Variants in DNAJC16 observed in about 807,000 individuals in gnomAD.
DNAJC16 encodes dnaJ homolog subfamily C member 16.
In DNAJC16, 76 loss-of-function variants were observed where a neutral mutation model predicts 92.7. That is an observed-to-expected ratio of 0.82 (90% CI 0.68 to 0.99). The LOEUF is 0.99. DNAJC16 is among the 50% of genes least tolerant of loss of function. The pLI, the probability that DNAJC16 is intolerant of heterozygous loss-of-function variation, is 0.00. For synonymous variants in DNAJC16, 328 were observed against 358.7 expected (o/e 0.91, Z 0.97); for missense variants, 869 against 942.4 (o/e 0.92, Z 1.02).
rs769992954 is a variant in DNAJC16 at position 15,567,904 on chromosome 1, T to C, written c.2076T>C (p.Arg692=). ...PNQYDKHFME[R]DYTGYVLALN... ...AATATGATAAGCATTTCATGGAGCGTGACTACACTGGTTATGTACTGGCTC... is the reference window on the plus strand; with the variant it reads ...AATATGATAAGCATTTCATGGAGCGCGACTACACTGGTTATGTACTGGCTC... Residue 692 remains arginine (R), a synonymous_variant, in exon 15 of 15, where the codon CGT becomes CGC. Transcript: ENST00000375847. 1 of 1,614,110 alleles carries C rather than the reference T, an allele frequency of 6.2e-7. No individual in the cohort carries two copies. The highest frequency in any genetic ancestry group is 8.5e-7 in the Non-Finnish European group (1 of 1,180,054).
intron 4 of DNAJC16, among the ~76,000 whole-genome samples, chr1:15,539,016 A>T (rs538098675): frequency 1.3e-5 from 2 of 152,044 alleles, no homozygotes; most frequent in South Asian, 4.1e-4. Flanking sequence ...CTGAGGGGGG[A>T]AAAAACTTCC....
chr1:15,550,538 T>C (rs1638420921), intron 7 of DNAJC16, among the ~76,000 whole-genome samples: 1 of 152,190 alleles, frequency 6.6e-6, no homozygotes, highest in Non-Finnish European at 1.5e-5. Flanking sequence ...CTTCCGTTGG[T>C]GGACATTGGG....
Position 15,546,826 on chromosome 1 carries a change from T to A in DNAJC16, c.819T>A (p.His273Gln), listed in dbSNP as rs1425810070. 4.3e-6 allele frequency: 7 copies of A among 1,613,870 alleles called. No individual in the cohort carries two copies. Among genetic ancestry groups the A allele is most frequent in the Non-Finnish European group, 5.1e-6 (6 of 1,179,992 alleles). Residue 273 changes from histidine to glutamine, a missense_variant, in exon 6 of 15, where the codon CAT (histidine) becomes CAA (glutamine). Physicochemically the swap from His to Gln is conservative, Grantham distance 24. Transcript: ENST00000375847. ...GCTGGCAGCAAGAGAATAAGCCTCATGTCCTTCTGTTTGACCAAACGCCCA... is the reference window on the plus strand; with the variant it reads ...GCTGGCAGCAAGAGAATAAGCCTCAAGTCCTTCTGTTTGACCAAACGCCCA... Reference protein sequence around the residue: ...LSGWQQENKPHVLLFDQTPIV... With the variant: ...LSGWQQENKPQVLLFDQTPIV...
In DNAJC16 at chr1:15,544,458, G is replaced by A. The variant is rs748179744; in HGVS notation, c.634G>A (p.Ala212Thr). ...YERRLAHHLG[A>T]HSTPSILGII... ...GAGACGCCTGGCCCATCACCTAGGG[G>A]CACACAGCACGCCCTCTATCCTAGG... Residue 212 changes from alanine to threonine, a missense_variant, in exon 5 of 15, where the codon GCA becomes ACA. By Grantham distance (58) the Ala-to-Thr change is moderately conservative. Transcript: ENST00000375847. The A allele has an allele frequency of 6.2e-7, 1 of 1,614,086 alleles. No homozygotes were observed. Among genetic ancestry groups the A allele is most frequent in the Admixed American group, 1.7e-5 (1 of 59,996 alleles).
chr1:15,553,033 G>T (rs1638484058), intron 7 of DNAJC16, among the ~76,000 whole-genome samples: 3 of 151,822 alleles, frequency 2.0e-5, no homozygotes, highest in African/African-American at 7.3e-5. Flanking sequence ...GCCTCCCAAA[G>T]TGCTGGGATT....
intron 7 of DNAJC16, among the ~76,000 whole-genome samples, chr1:15,551,139 G>C (rs533259084): frequency 6.6e-6 from 1 of 152,286 alleles, no homozygotes; most frequent in Admixed American, 6.5e-5. Context: ...CAAAGTGGTG[G>C]GATTACAGGC....
At chr1:15,537,733 A>T (rs1179823994) in intron 4 of DNAJC16, among the ~76,000 whole-genome samples, 1 of 152,128 alleles carries the variant, frequency 6.6e-6, no homozygotes, top group East Asian at 1.9e-4. Context: ...AATGAAGGAG[A>T]GACTATTATT....
At chr1:15,562,802 G>A (rs1207394095) in intron 9 of DNAJC16, among the ~76,000 whole-genome samples, 1 of 151,772 alleles carries the variant, frequency 6.6e-6, no homozygotes, top group Non-Finnish European at 1.5e-5. Flanking sequence ...TCTTAAAACA[G>A]TTTTTGACCT....
chr1:15,537,154 A>G (rs745501543), intron 4 of DNAJC16, among the ~76,000 whole-genome samples: 2 of 152,104 alleles, frequency 1.3e-5, no homozygotes, highest in Non-Finnish European at 2.9e-5. Context: ...CCTGGCCCCA[A>G]AGCAGGTTTT....
chr1:15,556,168 A>G (rs893416678), intron 7 of DNAJC16, among the ~76,000 whole-genome samples: 2 of 149,660 alleles, frequency 1.3e-5, no homozygotes, highest in Non-Finnish European at 3.0e-5. Context: ...GAATGAAGAC[A>G]GTATCTTTTT....
intron 4 of DNAJC16, among the ~76,000 whole-genome samples, chr1:15,541,699 G>A (rs1277515353): frequency 6.6e-6 from 1 of 152,132 alleles, no homozygotes; most frequent in Non-Finnish European, 1.5e-5. Flanking sequence ...AAAGATGTAT[G>A]CACAAAGATG....
In DNAJC16 at chr1:15,562,216, T is replaced by C. The variant is rs764784517; in HGVS notation, c.1229T>C (p.Leu410Pro). The C allele has an allele frequency of 1.2e-6, 2 of 1,614,144 alleles. No individual in the cohort carries two copies. The highest frequency in any genetic ancestry group is 1.7e-6 in the Non-Finnish European group (2 of 1,179,974). ...TTTGAGGCTTTCCTGTCCTTTGCCC[T>C]GGCAAACACTCAAGACACAGTGAGA... ...KPFEAFLSFA[L>P]ANTQDTVRFV... The change falls in exon 9 of 15, where the codon CTG becomes CCG. Residue 410 changes from leucine to proline, a missense_variant. By Grantham distance (98) the Leu-to-Pro change is moderately conservative. Transcript: ENST00000375847.
Position 15,567,270 on chromosome 1 carries a change from G to A in DNAJC16, c.1949+1G>A. The stretch of plus-strand genomic sequence containing the variant: ...CTTTGGAGGTCTACACATTTACTGG[G>A]TAAGCATGTGTGTGTGTGCATGTAT... On this transcript the variant is annotated splice_donor_variant, in intron 14 of 14. Transcript: ENST00000375847. LOFTEE classifies it high-confidence loss of function. The A allele has an allele frequency of 6.2e-7, 1 of 1,611,874 alleles. No individual in the cohort carries two copies. The highest frequency in any genetic ancestry group is 1.1e-5 in the South Asian group (1 of 91,016).
intron 6 of DNAJC16, 44 bp downstream of exon 6, chr1:15,546,915 C>CTTTTTTTTTTTTTTTTT (rs76961003): frequency 4.3e-5 from 39 of 907,400 alleles, no homozygotes; most frequent in South Asian, 1.9e-4. Context: ...CTTTTCTTTT[C>CTTTTTTTTTTTTTTTTT]TTTTTTTTTT....
Position 15,536,833 on chromosome 1 carries a change from C to G in DNAJC16, c.574+19C>G. 6.4e-7 allele frequency: 1 copy of G among 1,572,448 alleles called. No individual in the cohort carries two copies. The highest frequency in any genetic ancestry group is 8.6e-7 in the Non-Finnish European group (1 of 1,163,404). ...GAATTGGGTAAGATAATTTTATTCACTGAAAGATATTTATATAGATGACTT... is the reference window on the plus strand; with the variant it reads ...GAATTGGGTAAGATAATTTTATTCAGTGAAAGATATTTATATAGATGACTT... On this transcript the variant is annotated intron_variant, in intron 4 of 14. Transcript: ENST00000375847.
At chr1:15,532,986 T>C (rs892699281) in intron 2 of DNAJC16, among the ~76,000 whole-genome samples, 7 of 152,182 alleles carry the variant, frequency 4.6e-5, no homozygotes, top group Non-Finnish European at 1.0e-4. Context: ...GCTTGGTGTA[T>C]CGTTAATAGT....
At chr1:15,533,036 A>G (rs894091463) in intron 2 of DNAJC16, among the ~76,000 whole-genome samples, 1 of 152,112 alleles carries the variant, frequency 6.6e-6, no homozygotes, top group South Asian at 2.1e-4. Flanking sequence ...TCCAGAACCT[A>G]TGTCAGAGGA....
intron 7 of DNAJC16, 86 bp downstream of exon 7, chr1:15,548,514 G>A: frequency 2.9e-6 from 4 of 1,361,326 alleles, no homozygotes; most frequent in Non-Finnish European, 3.9e-6. Context: ...GAACAAAGTG[G>A]CTGAAGGAAA....
At chr1:15,553,524 G>A (rs1043713303) in intron 7 of DNAJC16, among the ~76,000 whole-genome samples, 5 of 152,236 alleles carry the variant, frequency 3.3e-5, no homozygotes, top group South Asian at 2.1e-4. Flanking sequence ...GTGAGTCACC[G>A]CACCTGGCTG....
Sources: allele counts gnomAD v4.1 joint callset (sites outside exome capture counted in the v4.1 genomes callset), GRCh38; gene constraint gnomAD v4.1.1; transcripts MANE v1.5; gene names NCBI Gene and HGNC (gene_info 2026-07-23, HGNC 2026-07-21).